ZNF480: variants seen among roughly 807,000 people sequenced by gnomAD.
ZNF480 encodes zinc finger protein 480.
A neutral mutation model predicts 14.4 loss-of-function variants in ZNF480; 15 were observed. That is an observed-to-expected ratio of 1.04 (90% CI 0.70 to 1.60). The LOEUF is 1.60. Ranked by LOEUF, ZNF480 falls within the 40% of genes most tolerant of loss-of-function variation. The pLI is 0.00. For missense variants in ZNF480, 593 were observed against 629.7 expected, an observed-to-expected ratio of 0.94 and a Z score of 0.62; for synonymous variants, 218 against 215.5, an observed-to-expected ratio of 1.01 and a Z score of -0.10.
chr19:52,304,922 CCCCG>C (rs1982856912), intron 2 of ZNF480, among the ~76,000 whole-genome samples: 1 of 151,872 alleles, frequency 6.6e-6, no homozygotes. Flanking sequence ...CATGGTGAAA[CCCCG>C]TCTCTACTAA....
chr19:52,305,368 G>GATTC (rs936873623), intron 2 of ZNF480, among the ~76,000 whole-genome samples: 2 of 152,062 alleles, frequency 1.3e-5, no homozygotes, highest in Non-Finnish European at 2.9e-5. Context: ...TTAGTAATTT[G>GATTC]ATTCACCCAG....
chr19:52,309,912 T>C (rs1983186780), intron 2 of ZNF480, among the ~76,000 whole-genome samples: 1 of 152,222 alleles, frequency 6.6e-6, no homozygotes, highest in African/African-American at 2.4e-5. Context: ...TGGAATGTCT[T>C]CTAGTTAGGG....
rs151016372 is a variant in ZNF480, at chr19:52,325,504, T to C, written c.*2646T>C. On this transcript the variant is annotated 3_prime_UTR_variant, in exon 5 of 5. Transcript: ENST00000595962. ...GCAGCACTATTCTCAATAGCAAAGA[T>C]GTGGAATCAACGTAAATGCCCATCA... 166 of 152,312 alleles carry C rather than the reference T, an allele frequency of 1.1e-3. No individual in the cohort carries two copies. Among genetic ancestry groups the C allele is most frequent in the African/African-American group, 3.8e-3 (157 of 41,576 alleles). The allele number at this position is 152,312 out of a possible 1,614,324, so 9.4% of individuals were successfully genotyped here. A position where few individuals can be genotyped will look rare whatever the true frequency, so the allele number is the denominator to read the frequency against.
At chr19:52,302,491 G>A (rs1264448070) in intron 2 of ZNF480, among the ~76,000 whole-genome samples, 2 of 152,194 alleles carry the variant, frequency 1.3e-5, no homozygotes, top group African/African-American at 4.8e-5. Flanking sequence ...GCTAGAGCTT[G>A]GCTAGTACGG....
chr19:52,322,192 T>G lies in ZNF480; in HGVS notation c.942T>G (p.Pro314=), dbSNP rs1182745582. The change falls in exon 5 of 5, where the codon CCT becomes CCG. Residue 314 remains proline, a synonymous_variant. Coordinates refer to ENST00000595962, the MANE Select transcript of ZNF480 (RefSeq NM_144684.4). ...RHQRIHAEEK[P]YKCNECGKGF... ...AAAGAATTCATGCTGAAGAGAAACC[T>G]TACAAATGTAATGAATGTGGTAAAG... is the stretch of plus-strand genomic sequence containing the variant. 5 of 1,613,946 alleles carry G rather than the reference T, an allele frequency of 3.1e-6. No homozygotes were observed. Among genetic ancestry groups the G allele is most frequent in the Non-Finnish European group, 4.2e-6 (5 of 1,180,014 alleles).
rs377131707 is a variant in ZNF480 at position 52,321,583 on chromosome 19, C to G, written c.333C>G (p.Ser111Arg). Residue 111 changes from serine to arginine, a missense_variant, in exon 5 of 5, where the codon AGC becomes AGG. Ser to Arg is a moderately radical substitution (Grantham distance 110). Coordinates refer to ENST00000595962, the MANE Select transcript of ZNF480 (RefSeq NM_144684.4). ...RECIKGVNTGSSYALGSNAED... is the reference protein window; with the variant it reads ...RECIKGVNTGRSYALGSNAED... ...ACTTTTTTCTTGCTTTCCTAGGGAG[C>G]AGCTATGCATTGGGAAGCAATGCAG... 9.3e-5 allele frequency: 146 copies of G among 1,576,408 alleles called. No homozygotes were observed. Among genetic ancestry groups the G allele is most frequent in the Non-Finnish European group, 1.2e-4 (140 of 1,161,162 alleles).
At position 52,314,295 on chromosome 19, in the gene ZNF480, C is replaced by G; in HGVS notation, c.199+16C>G. On this transcript the variant is annotated intron_variant, in intron 3 of 4. Transcript: ENST00000595962. The stretch of plus-strand genomic sequence containing the variant: ...GTCTCCCTGGGTGAGGATCATGCCC[C>G]TGCAGAAGCCGGGATCTGCCCTTGG... The G allele has an allele frequency of 6.6e-7, 1 of 1,512,170 alleles. No individual in the cohort carries two copies. The highest frequency in any genetic ancestry group is 1.1e-5 in the South Asian group (1 of 87,314). The allele number at this position is 1,512,170 out of a possible 1,614,324, so 93.7% of individuals were successfully genotyped here. A position where few individuals can be genotyped will look rare whatever the true frequency, so the allele number is the denominator to read the frequency against.
chr19:52,310,635 T>G (rs1415274286), intron 2 of ZNF480, among the ~76,000 whole-genome samples: 3 of 152,126 alleles, frequency 2.0e-5, no homozygotes, highest in Non-Finnish European at 4.4e-5. Context: ...CGTTCTTGCT[T>G]AATGATATGG....
chr19:52,318,877 A>T (rs934246940), intron 4 of ZNF480, among the ~76,000 whole-genome samples: 2 of 150,244 alleles, frequency 1.3e-5, no homozygotes, highest in African/African-American at 2.5e-5. Context: ...TCATTTTTGC[A>T]TGGGGGGATG....
intron 2 of ZNF480, 127 bp downstream of exon 2, chr19:52,300,611 T>G (rs1471912309): frequency 2.1e-5 from 32 of 1,516,954 alleles, no homozygotes; most frequent in Admixed American, 1.3e-4. Context: ...TACCTATGCC[T>G]TCCCTCAGTG....
chr19:52,323,087 G>T lies in ZNF480; in HGVS notation c.*229G>T, dbSNP rs536127096. ...AAAAATTTCACACCTTGCAAAAGGA[G>T]ATCTAAAAAACACAATCAGAAATGA... On this transcript the variant is annotated 3_prime_UTR_variant, in exon 5 of 5. Coordinates refer to ENST00000595962, the MANE Select transcript of ZNF480 (RefSeq NM_144684.4). 1 of 383,944 alleles carries T rather than the reference G, an allele frequency of 2.6e-6. No individual in the cohort carries two copies. Among genetic ancestry groups the T allele is most frequent in the Non-Finnish European group, 4.6e-6 (1 of 216,626 alleles). 23.8% of individuals were successfully genotyped at this position (383,944 alleles called of 1,614,324 possible). A position where few individuals can be genotyped will look rare whatever the true frequency, so the allele number is the denominator to read the frequency against.
rs554174550 is a variant in ZNF480, at chr19:52,309,586, T to G, written c.73-4567T>G. ...GAAAAGTCAGAAGGTTGGATAGACA[T>G]TCCCATTGTTTTCCTCTCTCAGGAG... On this transcript the variant is annotated intron_variant, in intron 2 of 4. Coordinates refer to ENST00000595962, the MANE Select transcript of ZNF480 (RefSeq NM_144684.4). 5.3e-5 allele frequency among the ~76,000 whole-genome samples: 8 copies of G among 152,334 alleles called. No individual in the cohort carries two copies. In the East Asian group the frequency reaches 9.6e-4, roughly 18 times the overall value.
intron 4 of ZNF480, among the ~76,000 whole-genome samples, chr19:52,316,972 C>T (rs559868843): frequency 6.6e-6 from 1 of 152,204 alleles, no homozygotes; most frequent in African/African-American, 2.4e-5. Context: ...TGCATTGCGC[C>T]CACCTTTTTA....
At chr19:52,298,722 C>T (rs1982541090) in intron 1 of ZNF480, among the ~76,000 whole-genome samples, 1 of 150,716 alleles carries the variant, frequency 6.6e-6, no homozygotes. Context: ...AACAAGTTGC[C>T]AGAATGGAGC....
chr19:52,297,500 G>T (rs1246352473), intron 1 of ZNF480, among the ~76,000 whole-genome samples: 1 of 151,952 alleles, frequency 6.6e-6, no homozygotes, highest in Non-Finnish European at 1.5e-5. Flanking sequence ...GCTTACATCC[G>T]CCCCGCACAG....
intron 2 of ZNF480, chr19:52,302,139 A>G: frequency 4.4e-6 from 1 of 226,144 alleles, no homozygotes; most frequent in Non-Finnish European, 8.7e-6. Flanking sequence ...GCCTGGAGAT[A>G]CACAAGCATA....
chr19:52,321,632 C>T lies in ZNF480; in HGVS notation c.382C>T (p.Leu128Phe). The T allele has an allele frequency of 1.2e-6, 2 of 1,609,788 alleles. No individual in the cohort carries two copies. The highest frequency in any genetic ancestry group is 1.7e-6 in the Non-Finnish European group (2 of 1,177,286). The change falls in exon 5 of 5, where the codon CTT becomes TTT. Residue 128 changes from leucine to phenylalanine, a missense_variant. Transcript: ENST00000595962. ...AGAAGACAAACCAATTAAAAAACAA[C>T]TTGGAGTATCCTTTCACTTACATCT... ...NAEDKPIKKQ[L>F]GVSFHLHLSE...
intron 2 of ZNF480, among the ~76,000 whole-genome samples, chr19:52,313,648 A>T (rs1017853828): frequency 1.3e-5 from 2 of 152,176 alleles, no homozygotes; most frequent in African/African-American, 4.8e-5. Context: ...AAAATGAGAA[A>T]TCTATTTTGA....
intron 2 of ZNF480, among the ~76,000 whole-genome samples, chr19:52,306,953 C>T (rs11084147): frequency 0.56 from 84,461 of 151,810 alleles, 24,061 homozygotes; most frequent in Non-Finnish European, 0.62. Context: ...GGGGTGTAGA[C>T]GGGTAGGGAC....
Sources: allele counts gnomAD v4.1 joint callset (sites outside exome capture counted in the v4.1 genomes callset), GRCh38; gene constraint gnomAD v4.1.1; transcripts MANE v1.5; gene names NCBI Gene and HGNC (gene_info 2026-07-23, HGNC 2026-07-21).